Variants in KIAA1755 observed in about 807,000 individuals in gnomAD.
KIAA1755 encodes the protein KIAA1755.
In KIAA1755, 68 loss-of-function variants were observed where a neutral mutation model predicts 91.7. The ratio of observed to expected loss-of-function variants is 0.74; its 90% CI spans 0.61 to 0.91. The LOEUF is 0.91. Ranked by LOEUF, KIAA1755 falls within the 40% of genes least tolerant of loss-of-function variation. The pLI is 0.00. For synonymous variants in KIAA1755, 610 were observed against 604.6 expected (o/e 1.01, Z -0.13); for missense variants, 1,535 against 1,494.4 (o/e 1.03, Z -0.45).
intron 8 of KIAA1755, among the ~76,000 whole-genome samples, chr20:38,224,621 G>C (rs1043913064): frequency 4.6e-5 from 7 of 152,194 alleles, no homozygotes; most frequent in Admixed American, 1.3e-4. Flanking sequence ...GGTAGAGCCA[G>C]GGCTGGTACC....
In KIAA1755 at chr20:38,260,606, T is replaced by A; in HGVS notation, c.-106A>T. ...GGCAGCCCTCGGTCCCGCCTAGCCC[T>A]GGAGCCAGGGGATAGGGCAGGCCCG... On this transcript the variant is annotated 5_prime_UTR_variant, in exon 1 of 14. Coordinates refer to ENST00000279024, the MANE Select transcript of KIAA1755 (RefSeq NM_001029864.2). The A allele has an allele frequency of 1.4e-6, 2 of 1,392,742 alleles. No homozygotes were observed. Among genetic ancestry groups the A allele is most frequent in the Non-Finnish European group, 1.9e-6 (2 of 1,063,312 alleles). The allele number at this position is 1,392,742 out of a possible 1,614,324, so 86.3% of individuals were successfully genotyped here. A position where few individuals can be genotyped will look rare whatever the true frequency, so the allele number is the denominator to read the frequency against.
intron 13 of KIAA1755, among the ~76,000 whole-genome samples, chr20:38,216,225 G>A (rs140980447): frequency 3.3e-5 from 5 of 152,306 alleles, no homozygotes; most frequent in Admixed American, 2.0e-4. Context: ...TCCAAGGCTC[G>A]GATTCCGCCT....
chr20:38,259,820 CCACA>C (rs57325877), intron 1 of KIAA1755, among the ~76,000 whole-genome samples: 5,825 of 138,622 alleles, frequency 0.042, 131 homozygotes, highest in Middle Eastern at 0.055. Context: ...ACCACCACCA[CCACA>C]CACACACACA....
chr20:38,242,020 G>A, intron 2 of KIAA1755, 91 bp from the exon 3 acceptor site: 1 of 1,333,366 alleles, frequency 7.5e-7, no homozygotes. Flanking sequence ...GTGGAATCTG[G>A]AACAGGTCAG....
chr20:38,219,583 T>G, intron 11 of KIAA1755, 47 bp downstream of exon 11: 1 of 1,608,596 alleles, frequency 6.2e-7, no homozygotes, highest in Admixed American at 1.7e-5. Flanking sequence ...TCCTGTGGAA[T>G]GTGGCCAGGC....
intron 2 of KIAA1755, among the ~76,000 whole-genome samples, chr20:38,243,887 G>T (rs1250921178): frequency 1.3e-5 from 2 of 152,158 alleles, no homozygotes; most frequent in African/African-American, 4.8e-5. Flanking sequence ...TCCATGTGTT[G>T]TCATCTCCAT....
At chr20:38,217,936 G>A (rs113107927) in intron 12 of KIAA1755, 8 of 435,130 alleles carry the variant, frequency 1.8e-5, no homozygotes, top group African/African-American at 1.6e-4. Flanking sequence ...TCACGTTGAT[G>A]CAGCTTCCCT....
chr20:38,242,025 G>C, intron 2 of KIAA1755, 96 bp from the exon 3 acceptor site: 4 of 1,275,496 alleles, frequency 3.1e-6, no homozygotes, highest in Non-Finnish European at 4.4e-6. Flanking sequence ...ATCTGGAACA[G>C]GTCAGGGACT....
rs769748095 is a variant in KIAA1755, at chr20:38,223,567, C to G, written c.2239G>C (p.Glu747Gln). ...ATCCCCCCAGGGGGGTCGGCCTTCTCGAATTCCTCGATGGAAGCTTGTAGC... is the reference window on the plus strand; with the variant it reads ...ATCCCCCCAGGGGGGTCGGCCTTCTGGAATTCCTCGATGGAAGCTTGTAGC... ...SLLQASIEEF[E>Q]KADPPGGMQE... is the part of the protein sequence containing the mutation. Residue 747 changes from glutamate (E) to glutamine (Q), a missense_variant, in exon 9 of 14, where the codon GAG becomes CAG. Glu to Gln is a conservative substitution (Grantham distance 29). Transcript: ENST00000279024. 5.0e-6 allele frequency: 8 copies of G among 1,599,882 alleles called. No individual in the cohort carries two copies. The African/African-American group carries it at 9.5e-5, about 19-fold the overall frequency.
chr20:38,239,529 T>C lies in KIAA1755; in HGVS notation c.1746A>G (p.Pro582=). ...KVFRSRIACL[P]GGRDRAGRPL... ...CCTCCTGCTTGAATCCCCTGGAACCTGGCAGGCATGCTATCCTGGAGCGGA... is the reference window on the plus strand; with the variant it reads ...CCTCCTGCTTGAATCCCCTGGAACCCGGCAGGCATGCTATCCTGGAGCGGA... The change falls in exon 4 of 14, where the codon CCA becomes CCG. Residue 582 remains proline (P), a splice_region_variant and synonymous_variant. Transcript: ENST00000279024. The C allele has an allele frequency of 6.2e-7, 1 of 1,613,732 alleles. No homozygotes were observed. The highest frequency in any genetic ancestry group is 8.5e-7 in the Non-Finnish European group (1 of 1,179,874).
chr20:38,227,135 G>A lies in KIAA1755; in HGVS notation c.2052+19C>T, dbSNP rs368524412. 7.5e-6 allele frequency: 12 copies of A among 1,602,762 alleles called. No homozygotes were observed. Among genetic ancestry groups the A allele is most frequent in the African/African-American group, 5.4e-5 (4 of 74,550 alleles). ...CCAACAACTCCCTTCCTCAACCGCC[G>A]ACCCTGAGTCCCCCTCACCTGGACG... On this transcript the variant is annotated intron_variant, in intron 7 of 13. Transcript: ENST00000279024.
chr20:38,258,730 A>G (rs1231258450), intron 1 of KIAA1755, among the ~76,000 whole-genome samples: 1 of 152,168 alleles, frequency 6.6e-6, no homozygotes, highest in Non-Finnish European at 1.5e-5. Flanking sequence ...GCTCGCAAGC[A>G]AGGCTGGAGT....
At chr20:38,252,330 C>T (rs1368905139) in intron 1 of KIAA1755, among the ~76,000 whole-genome samples, 2 of 152,204 alleles carry the variant, frequency 1.3e-5, no homozygotes, top group Non-Finnish European at 2.9e-5. Context: ...TGGTCCCTCC[C>T]TGTGTCCACT....
At chr20:38,238,334 C>T (rs1253090593) in intron 4 of KIAA1755, among the ~76,000 whole-genome samples, 1 of 152,164 alleles carries the variant, frequency 6.6e-6, no homozygotes, top group Non-Finnish European at 1.5e-5. Flanking sequence ...CAGGGCAGTG[C>T]TCAAGGTCCT....
At chr20:38,260,470 C>G in intron 1 of KIAA1755, 28 bp downstream of exon 1, 8 of 1,508,464 alleles carry the variant, frequency 5.3e-6, no homozygotes, top group Non-Finnish European at 7.1e-6. Flanking sequence ...GGGGGCAGAG[C>G]GAGGTGGTCC....
chr20:38,219,693 G>T lies in KIAA1755; in HGVS notation c.2493C>A (p.Asn831Lys). The change falls in exon 11 of 14, where the codon AAC (asparagine) becomes AAA (lysine). Residue 831 changes from asparagine (N) to lysine (K), a missense_variant. Asn to Lys is a moderately conservative substitution (Grantham distance 94, BLOSUM62 0). Transcript: ENST00000279024. Reference protein sequence around the residue: ...EQLHVLVTASNSLLGKLELRV... With the variant: ...EQLHVLVTASKSLLGKLELRV... ...GGAGCTCCAGCTTCCCCAGGAGGCTGTTGGAAGCGGTGACCAGAACATGAA... is the reference window on the plus strand; with the variant it reads ...GGAGCTCCAGCTTCCCCAGGAGGCTTTTGGAAGCGGTGACCAGAACATGAA... 2 of 1,614,140 alleles carry T rather than the reference G, an allele frequency of 1.2e-6. No homozygotes were observed. The highest frequency in any genetic ancestry group is 1.7e-6 in the Non-Finnish European group (2 of 1,180,000).
At chr20:38,223,344 T>A (rs1321171608) in intron 9 of KIAA1755, among the ~76,000 whole-genome samples, 194 bp downstream of exon 9, 1 of 152,228 alleles carries the variant, frequency 6.6e-6, no homozygotes, top group Non-Finnish European at 1.5e-5. Context: ...AGGGCAGGGA[T>A]AAGTCAGTTT....
chr20:38,231,549 C>A (rs746630435), intron 4 of KIAA1755, among the ~76,000 whole-genome samples: 1 of 152,208 alleles, frequency 6.6e-6, no homozygotes, highest in Non-Finnish European at 1.5e-5. Flanking sequence ...GCAGAGCACT[C>A]CCTCTGTATA....
At chr20:38,234,114 T>G (rs947495839) in intron 4 of KIAA1755, among the ~76,000 whole-genome samples, 5 of 152,164 alleles carry the variant, frequency 3.3e-5, no homozygotes, top group African/African-American at 9.7e-5. Flanking sequence ...TCCAGACCTA[T>G]GAGAAAATGA....
Sources: gnomAD v4.1 joint callset for allele counts (sites outside exome capture counted in the v4.1 genomes callset) on GRCh38, gnomAD v4.1.1 for gene constraint, MANE v1.5 for transcripts, NCBI Gene and HGNC (gene_info 2026-07-23, HGNC 2026-07-21) for gene names.